FAM222A: variants seen among roughly 807,000 people sequenced by gnomAD.
FAM222A encodes the protein protein FAM222A.
FAM222A carries 7 observed loss-of-function variants against 25.8 expected under a neutral mutation model. That is an observed-to-expected ratio of 0.27 (90% CI 0.15 to 0.51). FAM222A has a LOEUF of 0.51. Among genes scored for constraint, FAM222A ranks in the 20% least tolerant of loss-of-function variants. The pLI is 0.97. For missense variants in FAM222A, 573 were observed against 640.5 expected, an observed-to-expected ratio of 0.89 and a Z score of 1.14; for synonymous variants, 294 against 298.8, an observed-to-expected ratio of 0.98 and a Z score of 0.17.
intron 1 of FAM222A, among the ~76,000 whole-genome samples, chr12:109,723,705 G>A (rs940966916): frequency 2.0e-5 from 3 of 152,238 alleles, no homozygotes; most frequent in African/African-American, 4.8e-5. Context: ...CAGGGCTGCT[G>A]TGATGCCGCA....
intron 2 of FAM222A, among the ~76,000 whole-genome samples, chr12:109,760,750 G>T (rs1565846793): frequency 6.6e-6 from 1 of 152,222 alleles, no homozygotes; most frequent in Non-Finnish European, 1.5e-5. Flanking sequence ...GGCCATGAGG[G>T]TTTGGCACAG....
intron 2 of FAM222A, among the ~76,000 whole-genome samples, chr12:109,754,615 A>G (rs1392461517): frequency 6.6e-6 from 1 of 151,916 alleles, no homozygotes; most frequent in Non-Finnish European, 1.5e-5. Flanking sequence ...GACTTTATTT[A>G]CAAAAGCAGC....
intron 2 of FAM222A, among the ~76,000 whole-genome samples, chr12:109,761,244 C>A (rs922763033): frequency 2.0e-5 from 3 of 152,122 alleles, no homozygotes; most frequent in Non-Finnish European, 2.9e-5. Flanking sequence ...AGGCTGCCCC[C>A]CCAGGCCTCT....
intron 2 of FAM222A, among the ~76,000 whole-genome samples, chr12:109,753,187 C>T (rs1050042653): frequency 6.6e-6 from 1 of 152,164 alleles, no homozygotes; most frequent in African/African-American, 2.4e-5. Context: ...AGGGACTGGG[C>T]CTCGTCCCTG....
In FAM222A at chr12:109,724,278, G is replaced by C. The variant is rs558612044; in HGVS notation, c.-47+9381G>C. Among the ~76,000 whole-genome samples, 17 of 152,388 alleles carry C rather than the reference G, an allele frequency of 1.1e-4. No individual in the cohort carries two copies. The East Asian group carries it at 3.1e-3, about 28-fold the overall frequency. ...AGCTACCTGGCTGACACTATGCATGGCCTGTGAGACAGGGCTTGGTGTGGA... is the reference window on the plus strand; with the variant it reads ...AGCTACCTGGCTGACACTATGCATGCCCTGTGAGACAGGGCTTGGTGTGGA... On this transcript the variant is annotated intron_variant, in intron 1 of 2. Transcript: ENST00000538780.
chr12:109,735,937 TC>T (rs1888073455), intron 1 of FAM222A: 1 of 152,270 alleles, frequency 6.6e-6, no homozygotes, highest in Non-Finnish European at 1.5e-5. Flanking sequence ...CACCTTGGGA[TC>T]CCTGGCTCTC....
In FAM222A at chr12:109,737,346, GC is replaced by G. The variant is rs1197122398; in HGVS notation, c.-46-6753del. 2.0e-5 allele frequency among the ~76,000 whole-genome samples: 3 copies of G among 152,196 alleles called. No individual in the cohort carries two copies. The East Asian group carries it at 5.8e-4, about 30-fold the overall frequency. On this transcript the variant is annotated intron_variant, in intron 1 of 2. Transcript: ENST00000538780. ...TTGGTCTCCCCTTTGGCTCAGAACT[GC>G]CAGCATCTCTGGCTCTAGTGCCCAG...
Position 109,761,720 on chromosome 12 carries a change from C to T in FAM222A, c.83-6292C>T, listed in dbSNP as rs568059419. Among the ~76,000 whole-genome samples, 4 of 152,292 alleles carry T rather than the reference C, an allele frequency of 2.6e-5. No homozygotes were observed. The South Asian group carries it at 8.3e-4, about 32-fold the overall frequency. On this transcript the variant is annotated intron_variant, in intron 2 of 2. Transcript: ENST00000538780. ...AGCAAGTCCCATTGCTTCTGAGGGCCCCTGGGTGTGGGTACTCTGCCTGGA... is the reference window on the plus strand; with the variant it reads ...AGCAAGTCCCATTGCTTCTGAGGGCTCCTGGGTGTGGGTACTCTGCCTGGA...
At chr12:109,750,857 T>C (rs1888540588) in intron 2 of FAM222A, among the ~76,000 whole-genome samples, 1 of 143,034 alleles carries the variant, frequency 7.0e-6, no homozygotes, top group Admixed American at 7.3e-5. Context: ...TAATATTGCA[T>C]GTTGCCATGG....
intron 2 of FAM222A, among the ~76,000 whole-genome samples, chr12:109,759,747 A>C (rs1389566393): frequency 6.6e-6 from 1 of 152,186 alleles, no homozygotes; most frequent in Non-Finnish European, 1.5e-5. Flanking sequence ...TTGAGCCCAG[A>C]TGCTGCCTGG....
chr12:109,747,439 CT>C (rs1424046612), intron 2 of FAM222A, among the ~76,000 whole-genome samples: 1 of 152,162 alleles, frequency 6.6e-6, no homozygotes, highest in African/African-American at 2.4e-5. Context: ...GCTCCTTGTT[CT>C]CCCCCTCTAC....
intron 1 of FAM222A, among the ~76,000 whole-genome samples, chr12:109,724,884 GC>G (rs1887812726): frequency 6.6e-6 from 1 of 152,162 alleles, no homozygotes; most frequent in African/African-American, 2.4e-5. Context: ...TATTTGGAGG[GC>G]TTTCCGGAGA....
chr12:109,766,970 A>C (rs1358672949), intron 2 of FAM222A, among the ~76,000 whole-genome samples: 1 of 151,068 alleles, frequency 6.6e-6, no homozygotes, highest in South Asian at 2.1e-4. Context: ...GTCACAGCTC[A>C]CTGTAGCCTC....
At chr12:109,767,969 C>T in intron 2 of FAM222A, 43 bp from the exon 3 acceptor site, 1 of 1,583,160 alleles carries the variant, frequency 6.3e-7, no homozygotes, top group Middle Eastern at 1.7e-4. Context: ...GAGAGGTTGG[C>T]ATGGCCTCCT....
chr12:109,743,236 C>A (rs895869190), intron 1 of FAM222A, among the ~76,000 whole-genome samples: 1 of 152,180 alleles, frequency 6.6e-6, no homozygotes, highest in African/African-American at 2.4e-5. Context: ...CCACTCTGAC[C>A]CTGCCAGTCA....
chr12:109,750,731 G>T (rs77725392), intron 2 of FAM222A, among the ~76,000 whole-genome samples: 331 of 151,572 alleles, frequency 2.2e-3, no homozygotes, highest in Non-Finnish European at 4.2e-3. Context: ...TGGAGTTTCT[G>T]CACATTCAGA....
intron 1 of FAM222A, among the ~76,000 whole-genome samples, chr12:109,735,384 C>T (rs910838706): frequency 3.9e-5 from 6 of 152,182 alleles, no homozygotes; most frequent in Non-Finnish European, 5.9e-5. Flanking sequence ...CCGGTTGTGG[C>T]GTGGGTTACG....
chr12:109,740,289 GAGATA>G (rs1202909841), intron 1 of FAM222A, among the ~76,000 whole-genome samples: 2 of 152,102 alleles, frequency 1.3e-5, no homozygotes, highest in Non-Finnish European at 2.9e-5. Context: ...GGGTGTCTCC[GAGATA>G]AGGCGTCTTA....
At chr12:109,736,447 A>G (rs1888088554) in intron 1 of FAM222A, among the ~76,000 whole-genome samples, 2 of 152,212 alleles carry the variant, frequency 1.3e-5, no homozygotes, top group Admixed American at 1.3e-4. Context: ...CTAAGCTCAC[A>G]GAGTTAGGGT....
Sources: gnomAD v4.1 joint callset for allele counts (sites outside exome capture counted in the v4.1 genomes callset) on GRCh38, gnomAD v4.1.1 for gene constraint, MANE v1.5 for transcripts, NCBI Gene and HGNC (gene_info 2026-07-23, HGNC 2026-07-21) for gene names.